SOX5: variants seen among roughly 807,000 people sequenced by gnomAD.
SOX5 encodes the protein transcription factor SOX-5.
A neutral mutation model predicts 92.0 loss-of-function variants in SOX5; 9 were observed. That is an observed-to-expected ratio of 0.10 (90% CI 0.06 to 0.17). SOX5 has a LOEUF of 0.17. Ranked by LOEUF, SOX5 falls within the 10% of genes least tolerant of loss-of-function variation. The pLI is 1.00. For synonymous variants in SOX5, 344 were observed against 336.3 expected, an observed-to-expected ratio of 1.02 and a Z score of -0.25; for missense variants, 642 against 944.5, an observed-to-expected ratio of 0.68 and a Z score of 4.20.
intron 4 of SOX5, among the ~76,000 whole-genome samples, chr12:24,188,927 G>A (rs1458759464): frequency 3.9e-5 from 6 of 152,150 alleles, no homozygotes; most frequent in African/African-American, 1.4e-4. Flanking sequence ...TATGGAAAGT[G>A]ATTTCTAAAA....
chr12:24,230,036 T>C (rs926160047), intron 3 of SOX5, among the ~76,000 whole-genome samples: 16 of 152,286 alleles, frequency 1.1e-4, no homozygotes, highest in African/African-American at 3.4e-4. Context: ...CATCTTTCTT[T>C]CCTGAACGTT....
chr12:23,579,828 A>C (rs1949790886), intron 9 of SOX5, among the ~76,000 whole-genome samples: 1 of 152,124 alleles, frequency 6.6e-6, no homozygotes, highest in South Asian at 2.1e-4. Flanking sequence ...TCAAGGTCAA[A>C]AATAATTGAA....
intron 4 of SOX5, among the ~76,000 whole-genome samples, chr12:24,036,881 T>A (rs1956092572): frequency 2.0e-5 from 3 of 152,222 alleles, no homozygotes; most frequent in Admixed American, 6.5e-5. Flanking sequence ...TAAAGAATCC[T>A]TTTATTGTAT....
chr12:24,332,552 A>G (rs1951445661), intron 2 of SOX5, among the ~76,000 whole-genome samples: 1 of 152,174 alleles, frequency 6.6e-6, no homozygotes, highest in Non-Finnish European at 1.5e-5. Flanking sequence ...ATAACAGGCT[A>G]AAAATAAAAA....
chr12:24,491,477 AT>A (rs1947070214), intron 1 of SOX5, among the ~76,000 whole-genome samples: 3 of 152,148 alleles, frequency 2.0e-5, no homozygotes, highest in African/African-American at 7.2e-5. Flanking sequence ...AAAAAAAAAA[AT>A]TCTCAACCTA....
At chr12:23,741,112 T>C in intron 4 of SOX5, 73 bp from the exon 5 acceptor site, 2 of 1,180,834 alleles carry the variant, frequency 1.7e-6, no homozygotes, top group Admixed American at 2.8e-5. Flanking sequence ...AATGGCTCTG[T>C]TGTATACAGA....
At chr12:24,010,638 T>C (rs1047714213) in intron 4 of SOX5, among the ~76,000 whole-genome samples, 1 of 152,256 alleles carries the variant, frequency 6.6e-6, no homozygotes. Flanking sequence ...CTTTAAAAAT[T>C]TGAATAATAT....
intron 3 of SOX5, among the ~76,000 whole-genome samples, chr12:23,802,848 C>T (rs1468015090): frequency 2.0e-5 from 3 of 152,062 alleles, no homozygotes; most frequent in Non-Finnish European, 4.4e-5. Context: ...TTTATGTGTC[C>T]GTAGTCTTGC....
chr12:23,849,641 G>T (rs566161237), intron 2 of SOX5, among the ~76,000 whole-genome samples: 1 of 152,140 alleles, frequency 6.6e-6, no homozygotes, highest in Non-Finnish European at 1.5e-5. Flanking sequence ...GTATGAAAAT[G>T]AGAGGTTTCC....
chr12:23,736,470 T>C (rs774946966), intron 5 of SOX5, among the ~76,000 whole-genome samples: 131 of 143,732 alleles, frequency 9.1e-4, no homozygotes, highest in Non-Finnish European at 1.4e-3. Flanking sequence ...TCAGAAATAA[T>C]AAAAAAAAAA....
intron 2 of SOX5, among the ~76,000 whole-genome samples, chr12:24,308,608 G>T (rs1359426495): frequency 6.6e-6 from 1 of 152,126 alleles, no homozygotes; most frequent in South Asian, 2.1e-4. Context: ...CTAGACTGAT[G>T]TCCTATCAAC....
chr12:24,503,827 G>A (rs1948463136), intron 1 of SOX5, among the ~76,000 whole-genome samples: 1 of 152,126 alleles, frequency 6.6e-6, no homozygotes, highest in Non-Finnish European at 1.5e-5. Context: ...CCTGTCAGGG[G>A]TTGGTGGGTA....
At chr12:24,315,400 TTAAAAAA>T (rs1949606187) in intron 2 of SOX5, among the ~76,000 whole-genome samples, 1 of 152,124 alleles carries the variant, frequency 6.6e-6, no homozygotes, top group Non-Finnish European at 1.5e-5. Context: ...GATTAAGAGA[TTAAAAAA>T]CAAAAAGGGA....
At chr12:23,918,694 G>C (rs2097445512) in intron 1 of SOX5, among the ~76,000 whole-genome samples, 1 of 152,114 alleles carries the variant, frequency 6.6e-6, no homozygotes, top group Non-Finnish European at 1.5e-5. Context: ...GGGAGGCCCA[G>C]GTGGAGGGAT....
chr12:24,363,082 T>C (rs1281143194), intron 2 of SOX5, among the ~76,000 whole-genome samples: 1 of 151,992 alleles, frequency 6.6e-6, no homozygotes, highest in Non-Finnish European at 1.5e-5. Context: ...TTTATAATTA[T>C]AGAGCTACTA....
chr12:23,632,633 A>C (rs1283281717), intron 8 of SOX5, among the ~76,000 whole-genome samples: 7 of 152,116 alleles, frequency 4.6e-5, no homozygotes. Flanking sequence ...GACTGGCAGG[A>C]GTTTGATAAA....
intron 3 of SOX5, among the ~76,000 whole-genome samples, chr12:23,786,200 C>T (rs2095374071): frequency 6.6e-6 from 1 of 151,982 alleles, no homozygotes; most frequent in South Asian, 2.1e-4. Context: ...GTTTATCCCA[C>T]AACAGCTAGT....
At chr12:24,547,006 C>A (rs1952684929) in intron 1 of SOX5, among the ~76,000 whole-genome samples, 1 of 152,216 alleles carries the variant, frequency 6.6e-6, no homozygotes, top group South Asian at 2.1e-4. Flanking sequence ...CTCAGGAAGA[C>A]ACACGCAACA....
At position 24,196,851 on chromosome 12, in the gene SOX5, C is replaced by A. The variant is rs372608215; in HGVS notation, c.-2+16492G>T. ...CGGGGAGGTGGAGGTTGCAGTGAGT[C>A]GAGATCATACCACTGCACTCCAGCC... On this transcript the variant is annotated intron_variant, in intron 4 of 4. Transcript: ENST00000446891. 9.9e-5 allele frequency among the ~76,000 whole-genome samples: 15 copies of A among 152,140 alleles called. No individual in the cohort carries two copies. The East Asian group carries it at 1.9e-3, about 20-fold the overall frequency.
Sources: gnomAD v4.1 joint callset for allele counts (sites outside exome capture counted in the v4.1 genomes callset) on GRCh38, gnomAD v4.1.1 for gene constraint, MANE v1.5 for transcripts, NCBI Gene and HGNC (gene_info 2026-07-23, HGNC 2026-07-21) for gene names.